Variants in TNFAIP3 observed in about 807,000 individuals in gnomAD.
TNFAIP3 encodes the protein tumor necrosis factor alpha-induced protein 3.
A neutral mutation model predicts 72.4 loss-of-function variants in TNFAIP3; 9 were observed. The observed-to-expected ratio is 0.12, with a 90% confidence interval of 0.07 to 0.22. The LOEUF (loss-of-function observed/expected upper bound fraction) is 0.22. Among genes scored for constraint, TNFAIP3 ranks in the 10% least tolerant of loss-of-function variants. TNFAIP3 has a pLI of 1.00. For synonymous variants in TNFAIP3, 339 were observed against 372.6 expected, an observed-to-expected ratio of 0.91 and a Z score of 1.04; for missense variants, 833 against 1,018.7, an observed-to-expected ratio of 0.82 and a Z score of 2.48.
Position 137,875,044 on chromosome 6 carries a change from T to C in TNFAIP3, c.486+9T>C. On this transcript the variant is annotated intron_variant, in intron 3 of 8. Coordinates refer to ENST00000612899, the MANE Select transcript of TNFAIP3 (RefSeq NM_001270508.2). ...TTTGCTATGATACTCGGGTAGGTTT[T>C]TCCCCCTAATTATCTACTAACAGAG... 1.9e-6 allele frequency: 3 copies of C among 1,613,892 alleles called. No individual in the cohort carries two copies. Among genetic ancestry groups the C allele is most frequent in the Non-Finnish European group, 2.5e-6 (3 of 1,179,960 alleles).
In TNFAIP3 at chr6:137,881,486, G is replaced by T. The variant is rs1562275315; in HGVS notation, c.*167G>T. 8 of 590,532 alleles carry T rather than the reference G, an allele frequency of 1.4e-5. No homozygotes were observed. In the East Asian group the frequency reaches 2.3e-4, roughly 17 times the overall value. The allele number at this position is 590,532 out of a possible 1,614,324, so 36.6% of individuals were successfully genotyped here. A position where few individuals can be genotyped will look rare whatever the true frequency, so the allele number is the denominator to read the frequency against. On this transcript the variant is annotated 3_prime_UTR_variant, in exon 9 of 9. Coordinates refer to ENST00000612899, the MANE Select transcript of TNFAIP3 (RefSeq NM_001270508.2). The surrounding 1 kb of genome is among the most constrained non-coding windows in gnomAD (Gnocchi z 5.0). ...GTGGTGCCCACGATGCTCAGGTTTGGTAACCCGGGAGTGTTCCCAGGTGGC... is the reference window on the plus strand; with the variant it reads ...GTGGTGCCCACGATGCTCAGGTTTGTTAACCCGGGAGTGTTCCCAGGTGGC...
Position 137,878,426 on chromosome 6 carries a change from C to G in TNFAIP3, c.987-6C>G, listed in dbSNP as rs1248685125. 1.3e-6 allele frequency: 2 copies of G among 1,594,792 alleles called. No homozygotes were observed. The highest frequency in any genetic ancestry group is 2.2e-5 in the South Asian group (2 of 89,340). On this transcript the variant is annotated splice_region_variant and splice_polypyrimidine_tract_variant and intron_variant, in intron 6 of 8. Transcript: ENST00000612899. ...CTCATACATATTTTTTCCTTTTGGT[C>G]TTCAGGTTGGATGAAGCTAACTTAC...
In TNFAIP3 at chr6:137,881,214, C is replaced by A; in HGVS notation, c.2268C>A (p.Asp756Glu). ...GAHRGEPAPE[D>E]PPKQRCRAPA... ...ACCGGGGTGAGCCTGCCCCCGAAGA[C>A]CCCCCCAAGCAGCGTTGCCGGGCCC... Residue 756 changes from aspartate to glutamate, a missense_variant, in exon 9 of 9, where the codon GAC becomes GAA. By Grantham distance (45) the Asp-to-Glu change is conservative. Coordinates refer to ENST00000612899, the MANE Select transcript of TNFAIP3 (RefSeq NM_001270508.2). The surrounding 1 kb of genome is among the most constrained non-coding windows in gnomAD (Gnocchi z 5.0). 2 of 1,611,190 alleles carry A rather than the reference C, an allele frequency of 1.2e-6. No homozygotes were observed. Among genetic ancestry groups the A allele is most frequent in the African/African-American group, 1.3e-5 (1 of 74,782 alleles).
rs1483206626 is a variant in TNFAIP3 at position 137,871,993 on chromosome 6, A to G, written c.295+471A>G. On this transcript the variant is annotated intron_variant, in intron 2 of 8. Transcript: ENST00000612899. The surrounding 1 kb of genome is among the most constrained non-coding windows in gnomAD (Gnocchi z 4.2). ...ATTGGTAGCATTTTATGGGTTAACC[A>G]GTGAATGGCTGTTGAAGACATGAAG... 6.6e-6 allele frequency among the ~76,000 whole-genome samples: 1 copy of G among 152,250 alleles called. No individual in the cohort carries two copies. The highest frequency in any genetic ancestry group is 2.4e-5 in the African/African-American group (1 of 41,460).
Position 137,876,045 on chromosome 6 carries a change from A to G in TNFAIP3, c.684A>G (p.Lys228=). Residue 228 remains lysine (K), a synonymous_variant, in exon 5 of 9, where the codon AAA becomes AAG. Coordinates refer to ENST00000612899, the MANE Select transcript of TNFAIP3 (RefSeq NM_001270508.2). ...CAGGTTCCAATTTCGCCCCTTTGAA[A>G]GTGGGTGGAATTTACTTGCCTCTCC... The part of the protein sequence containing the change: ...LESGSNFAPL[K]VGGIYLPLHW... The G allele has an allele frequency of 6.2e-7, 1 of 1,614,148 alleles. No individual in the cohort carries two copies.
At chr6:137,872,494 G>A (rs1582886232) in intron 2 of TNFAIP3, among the ~76,000 whole-genome samples, 1 of 152,268 alleles carries the variant, frequency 6.6e-6, no homozygotes, top group East Asian at 1.9e-4. Context: ...CAAGGATTAC[G>A]ATAAGAACAC....
intron 3 of TNFAIP3, among the ~76,000 whole-genome samples, chr6:137,875,360 G>T (rs987744428): frequency 3.3e-5 from 5 of 152,110 alleles, no homozygotes; most frequent in Admixed American, 6.5e-5. Context: ...ATTAAGACAC[G>T]TGCCTCACCA....
At position 137,874,425 on chromosome 6, in the gene TNFAIP3, T is replaced by C. The variant is rs191284561; in HGVS notation, c.296-420T>C. Among the ~76,000 whole-genome samples, 48 of 152,230 alleles carry C rather than the reference T, an allele frequency of 3.2e-4. No homozygotes were observed. In the East Asian group the frequency reaches 7.2e-3, roughly 23 times the overall value. ...TGCCCTGTGTGCTCCTCCTTAGAAC[T>C]AGAGAGCAGCAATGCCAGTGCCTTC... On this transcript the variant is annotated intron_variant, in intron 2 of 8. Coordinates refer to ENST00000612899, the MANE Select transcript of TNFAIP3 (RefSeq NM_001270508.2).
chr6:137,879,421 GAAA>G, intron 7 of TNFAIP3, 70 bp downstream of exon 7: 1 of 1,509,848 alleles, frequency 6.6e-7, no homozygotes. Flanking sequence ...TGACCTTTAA[GAAA>G]AAAAGCCCAT....
At position 137,880,199 on chromosome 6, in the gene TNFAIP3, A is replaced by C; in HGVS notation, c.2035A>C (p.Ile679Leu). The C allele has an allele frequency of 6.2e-7, 1 of 1,614,188 alleles. No individual in the cohort carries two copies. The highest frequency in any genetic ancestry group is 8.5e-7 in the Non-Finnish European group (1 of 1,180,036). ...TGAAGGATACTGCCAGAAGTGTTTC[A>C]TTGAAGCTCAGAATCAGAGATTTCA... ...MFEGYCQKCF[I>L]EAQNQRFHEA... The change falls in exon 8 of 9, where the codon ATT becomes CTT. Residue 679 changes from isoleucine to leucine, a missense_variant. By Grantham distance (5) the Ile-to-Leu change is conservative. Transcript: ENST00000612899.
Position 137,875,670 on chromosome 6 carries a change from T to C in TNFAIP3, c.487-18T>C. 6.2e-7 allele frequency: 1 copy of C among 1,613,636 alleles called. No homozygotes were observed. The highest frequency in any genetic ancestry group is 8.5e-7 in the Non-Finnish European group (1 of 1,179,778). On this transcript the variant is annotated intron_variant, in intron 3 of 8. Transcript: ENST00000612899. The stretch of plus-strand genomic sequence containing the variant: ...TACAGGATACATTCAAGCTTTTTTT[T>C]CACCCCGCTCCCCTTAGAACTGGAA...
At chr6:137,880,043 G>A (rs746882550) in intron 7 of TNFAIP3, 28 bp from the exon 8 acceptor site, 1 of 1,611,396 alleles carries the variant, frequency 6.2e-7, no homozygotes, top group Non-Finnish European at 8.5e-7. Flanking sequence ...CCCCTATGTG[G>A]TACTAACTAG....
In TNFAIP3 at chr6:137,882,911, G is replaced by C. The variant is rs1349024155; in HGVS notation, c.*1592G>C. On this transcript the variant is annotated 3_prime_UTR_variant, in exon 9 of 9. Coordinates refer to ENST00000612899, the MANE Select transcript of TNFAIP3 (RefSeq NM_001270508.2). ...AAATGCATTTTCCCCAGAGATAAAG[G>C]CTGCCATTTTGGGGGTCTGTACTTA... 4.4e-6 allele frequency: 1 copy of C among 226,660 alleles called. No homozygotes were observed. Among genetic ancestry groups the C allele is most frequent in the Non-Finnish European group, 8.7e-6 (1 of 114,544 alleles). 14.0% of individuals were successfully genotyped at this position (226,660 alleles called of 1,614,324 possible).
chr6:137,881,520 G>T lies in TNFAIP3; in HGVS notation c.*201G>T, dbSNP rs1392289333. 4.1e-6 allele frequency: 2 copies of T among 484,116 alleles called. No individual in the cohort carries two copies. Among genetic ancestry groups the T allele is most frequent in the Admixed American group, 3.9e-5 (1 of 25,662 alleles). 30.0% of individuals were successfully genotyped at this position (484,116 alleles called of 1,614,324 possible). ...GAGTGTTCCCAGGTGGCCTTAGAAA[G>T]CAAAGCTTGTAACTGGCAAGGGATG... On this transcript the variant is annotated 3_prime_UTR_variant, in exon 9 of 9. Coordinates refer to ENST00000612899, the MANE Select transcript of TNFAIP3 (RefSeq NM_001270508.2). This position sits in a 1 kb window ranked among gnomAD's most constrained non-coding sequence, Gnocchi z 5.0.
Position 137,882,483 on chromosome 6 carries a change from A to G in TNFAIP3, c.*1164A>G. The stretch of plus-strand genomic sequence containing the variant: ...TTGATACACTTTTGCTTGCCTCCCC[A>G]GGAAAGAAGGAATTGCATCCAAGGT... On this transcript the variant is annotated 3_prime_UTR_variant, in exon 9 of 9. Coordinates refer to ENST00000612899, the MANE Select transcript of TNFAIP3 (RefSeq NM_001270508.2). The G allele has an allele frequency of 4.3e-6, 1 of 232,752 alleles. No homozygotes were observed. The highest frequency in any genetic ancestry group is 8.5e-6 in the Non-Finnish European group (1 of 117,656). The allele number at this position is 232,752 out of a possible 1,614,324, so 14.4% of individuals were successfully genotyped here.
chr6:137,879,172 C>G lies in TNFAIP3; in HGVS notation c.1727C>G (p.Pro576Arg), dbSNP rs773410176. 1.2e-6 allele frequency: 2 copies of G among 1,614,142 alleles called. No individual in the cohort carries two copies. Among genetic ancestry groups the G allele is most frequent in the South Asian group, 1.1e-5 (1 of 91,082 alleles). The change falls in exon 7 of 9, where the codon CCG becomes CGG. Residue 576 changes from proline to arginine, a missense_variant. By Grantham distance (103) the Pro-to-Arg change is moderately radical. Around this residue, in one of 2 missense-constraint regions of TNFAIP3, gnomAD observed 587 missense variants for 657.8 expected, o/e 0.89. Transcript: ENST00000612899. ...TCGCGGCTCGTCCGGAGCCCCTCCCCGCATTCTTGCCACAGAGCTGGAAAC... is the reference window on the plus strand; with the variant it reads ...TCGCGGCTCGTCCGGAGCCCCTCCCGGCATTCTTGCCACAGAGCTGGAAAC... The part of the protein sequence containing the change: ...DPSRLVRSPS[P>R]HSCHRAGNDA...
chr6:137,881,320 C>A lies in TNFAIP3; in HGVS notation c.*1C>A, dbSNP rs1251625358. 3.3e-6 allele frequency: 5 copies of A among 1,531,156 alleles called. No individual in the cohort carries two copies. The East Asian group carries it at 1.1e-4, about 35-fold the overall frequency. 94.8% of individuals were successfully genotyped at this position (1,531,156 alleles called of 1,614,324 possible). A position where few individuals can be genotyped will look rare whatever the true frequency, so the allele number is the denominator to read the frequency against. On this transcript the variant is annotated 3_prime_UTR_variant, in exon 9 of 9. Coordinates refer to ENST00000612899, the MANE Select transcript of TNFAIP3 (RefSeq NM_001270508.2). This position sits in a 1 kb window ranked among gnomAD's most constrained non-coding sequence, Gnocchi z 5.0. The stretch of plus-strand genomic sequence containing the variant: ...TCAGTTCAAGCAGATGTATGGCTAA[C>A]CGGAAACAGGTGGGTCACCTCCTGC...
chr6:137,870,925 A>G (rs5029933), intron 1 of TNFAIP3, among the ~76,000 whole-genome samples: 8,261 of 152,294 alleles, frequency 0.054, 285 homozygotes, highest in African/African-American at 0.086. Context: ...TGGCTCCCTG[A>G]CAAACATTAC....
upstream of TNFAIP3, chr6:137,866,599 G>A (rs1775843056): frequency 6.6e-6 from 1 of 152,442 alleles, no homozygotes; most frequent in African/African-American, 2.4e-5. Context: ...CTGGGGCCAC[G>A]GGGTCGGGTG....
Sources: allele counts gnomAD v4.1 joint callset (sites outside exome capture counted in the v4.1 genomes callset), GRCh38; gene constraint gnomAD v4.1.1; regional missense constraint gnomAD v4.1.1; non-coding constraint Gnocchi (gnomAD v3.1); transcripts MANE v1.5; gene names NCBI Gene and HGNC (gene_info 2026-07-23, HGNC 2026-07-21).